ZFX: variants seen among roughly 807,000 people sequenced by gnomAD.
ZFX encodes zinc finger X-chromosomal protein.
For synonymous variants in ZFX, 196 were observed against 226.8 expected, an observed-to-expected ratio of 0.86 and a Z score of 1.22; for missense variants, 362 against 628.3, an observed-to-expected ratio of 0.58 and a Z score of 4.53.
intron 3 of ZFX, among the ~76,000 whole-genome samples, chrX:24,159,028 G>C (rs1038145349): frequency 1.4e-4 from 15 of 110,089 alleles, no homozygotes; most frequent in African/African-American, 3.6e-4. Context: ...TTTGAGATGG[G>C]GTCTTGCTCT....
At position 24,208,941 on chromosome X, in the gene ZFX, A is replaced by G. The variant is rs1367380030; in HGVS notation, c.1135A>G (p.Ser379Gly). ...DGIENRNGTA[S>G]ALLHIDESAG... ...AATTGAAAACCGGAATGGCACTGCAAGTGCCCTCTTGCACATAGATGAGTC... is the reference window on the plus strand; with the variant it reads ...AATTGAAAACCGGAATGGCACTGCAGGTGCCCTCTTGCACATAGATGAGTC... Residue 379 changes from serine to glycine, a missense_variant, in exon 9 of 10, where the codon AGT becomes GGT. By Grantham distance (56) the Ser-to-Gly change is moderately conservative. Transcript: ENST00000304543. The G allele has an allele frequency of 1.4e-5, 17 of 1,210,337 alleles. No individual in the cohort carries two copies. Among genetic ancestry groups the G allele is most frequent in the Non-Finnish European group, 1.9e-5 (17 of 895,404 alleles).
intron 5 of ZFX, among the ~76,000 whole-genome samples, chrX:24,195,502 A>G (rs2704820): frequency 0.49 from 53,205 of 109,696 alleles, 9,501 homozygotes; most frequent in South Asian, 0.79. Flanking sequence ...ACAGATGCCC[A>G]CCACCACGCC....
chrX:24,196,159 T>G (rs757044554), intron 5 of ZFX, among the ~76,000 whole-genome samples: 23 of 111,378 alleles, frequency 2.1e-4, no homozygotes, highest in African/African-American at 7.5e-4. Flanking sequence ...GTTACCCAGG[T>G]TGGAGTGCAG....
intron 5 of ZFX, among the ~76,000 whole-genome samples, chrX:24,191,715 C>T (rs2704823): frequency 0.34 from 35,050 of 103,106 alleles, 4,490 homozygotes; most frequent in South Asian, 0.63. Flanking sequence ...TTTTTTTTTT[C>T]CGAGATGGAG....
In ZFX at chrX:24,215,333, CT is replaced by C. The variant is rs913288381; in HGVS notation, c.*3959del. On this transcript the variant is annotated 3_prime_UTR_variant, in exon 10 of 10. Transcript: ENST00000304543. Reference sequence around the variant, plus strand: ...AAGGAAAAACATGGCTAATCAATATCTTAAAGGGGCAATCTTTCAGAGCAGT... The same window carrying C: ...AAGGAAAAACATGGCTAATCAATATCTAAAGGGGCAATCTTTCAGAGCAGT... 8.9e-6 allele frequency: 1 copy of C among 111,842 alleles called. No homozygotes were observed. Among genetic ancestry groups the C allele is most frequent in the African/African-American group, 3.3e-5 (1 of 30,755 alleles). The allele number at this position is 111,842 out of a possible 1,213,427, so 9.2% of individuals were successfully genotyped here. A position where few individuals can be genotyped will look rare whatever the true frequency, so the allele number is the denominator to read the frequency against.
At chrX:24,177,675 A>G (rs1411543989) in intron 4 of ZFX, 84 of 748,080 alleles carry the variant, frequency 1.1e-4, no homozygotes, top group Non-Finnish European at 1.2e-4. Context: ...TGATCCTTGT[A>G]TGTCCTAGAT....
chrX:24,164,745 A>C lies in ZFX; in HGVS notation c.-28-7970A>C, dbSNP rs928467058. On this transcript the variant is annotated intron_variant, in intron 3 of 9. Coordinates refer to ENST00000304543, the MANE Select transcript of ZFX (RefSeq NM_003410.4). ...TCAGGAGTTCGAAACCAGCCTGGCC[A>C]ACGTGGTGAAACCCTGTCTCTACTA... Among the ~76,000 whole-genome samples the C allele has an allele frequency of 2.8e-4, 31 of 110,493 alleles. 1 individual carries two copies. The highest frequency in any genetic ancestry group is 1.0e-3 in the African/African-American group (31 of 30,357).
chrX:24,190,840 G>A (rs1303400708), intron 5 of ZFX, among the ~76,000 whole-genome samples: 2 of 112,203 alleles, frequency 1.8e-5, no homozygotes, highest in Admixed American at 9.4e-5. Context: ...GAATGAATTC[G>A]GGCAAGTTAA....
Position 24,204,949 on chromosome X carries a change from CTG to C in ZFX, c.647-2375_647-2374del, listed in dbSNP as rs564928893. Among the ~76,000 whole-genome samples the C allele has an allele frequency of 4.4e-4, 49 of 112,274 alleles. No homozygotes were observed. The South Asian group carries it at 0.017, about 38-fold the overall frequency. ...TTTACTTGTCCACTTTGCCATAAGACTGTAAATTTCTGGAGCCCTTGACTTTT... is the reference window on the plus strand; with the variant it reads ...TTTACTTGTCCACTTTGCCATAAGACTAAATTTCTGGAGCCCTTGACTTTT... On this transcript the variant is annotated intron_variant, in intron 5 of 9. Coordinates refer to ENST00000304543, the MANE Select transcript of ZFX (RefSeq NM_003410.4).
At chrX:24,155,329 A>G (rs986848519) in intron 3 of ZFX, among the ~76,000 whole-genome samples, 1 of 111,720 alleles carries the variant, frequency 9.0e-6, no homozygotes, top group Non-Finnish European at 1.9e-5. Flanking sequence ...TGTGATCCTT[A>G]ATTTTTAAGA....
Position 24,215,668 on chromosome X carries a change from C to T in ZFX, c.*4292C>T, listed in dbSNP as rs1009915965. 2 of 111,014 alleles carry T rather than the reference C, an allele frequency of 1.8e-5. No homozygotes were observed. The highest frequency in any genetic ancestry group is 3.8e-5 in the Non-Finnish European group (2 of 53,017). 9.1% of individuals were successfully genotyped at this position (111,014 alleles called of 1,213,427 possible). ...AAAATAGGACCCCAGACAGTTTATA[C>T]CTTCCATTTGCTGTTTTAAAAGTGT... is the stretch of plus-strand genomic sequence containing the variant. On this transcript the variant is annotated 3_prime_UTR_variant, in exon 10 of 10. Transcript: ENST00000304543.
chrX:24,193,959 C>CT (rs1332289829), intron 5 of ZFX, among the ~76,000 whole-genome samples: 1 of 111,315 alleles, frequency 9.0e-6, no homozygotes, highest in Non-Finnish European at 1.9e-5. Flanking sequence ...CCATTAAACA[C>CT]TAACTCCCCG....
chrX:24,209,177 A>G, intron 9 of ZFX, 137 bp downstream of exon 9: 1 of 932,863 alleles, frequency 1.1e-6, no homozygotes, highest in Non-Finnish European at 1.4e-6. Flanking sequence ...ACTTGAAAAT[A>G]TAATTTTCAG....
At chrX:24,167,840 C>T (rs769371648) in intron 3 of ZFX, among the ~76,000 whole-genome samples, 1 of 111,805 alleles carries the variant, frequency 8.9e-6, no homozygotes, top group Non-Finnish European at 1.9e-5. Context: ...ATAGAAACAA[C>T]AAGAAACTTT....
intron 4 of ZFX, chrX:24,173,797 G>T (rs771693514): frequency 2.4e-6 from 1 of 420,312 alleles, no homozygotes; most frequent in Non-Finnish European, 4.1e-6. Context: ...GTTTTGCCAC[G>T]TTGCCCAGGC....
intron 5 of ZFX, among the ~76,000 whole-genome samples, chrX:24,195,838 G>C (rs1936885194): frequency 8.9e-6 from 1 of 112,208 alleles, no homozygotes; most frequent in Non-Finnish European, 1.9e-5. Context: ...CTTTCTTCAC[G>C]TCCTGTTGTG....
At chrX:24,170,696 C>T (rs1460041697) in intron 3 of ZFX, among the ~76,000 whole-genome samples, 1 of 104,012 alleles carries the variant, frequency 9.6e-6, no homozygotes, top group African/African-American at 3.5e-5. Flanking sequence ...TTGCAACCTC[C>T]GTATCCCGGG....
chrX:24,203,426 G>A (rs1362911411), intron 5 of ZFX, among the ~76,000 whole-genome samples: 1 of 112,456 alleles, frequency 8.9e-6, no homozygotes, highest in Non-Finnish European at 1.9e-5. Context: ...ATGTTCTCCA[G>A]CCTCTCATCA....
chrX:24,156,097 A>T (rs1460619873), intron 3 of ZFX, among the ~76,000 whole-genome samples: 1 of 111,451 alleles, frequency 9.0e-6, no homozygotes, highest in Non-Finnish European at 1.9e-5. Flanking sequence ...GGGTTTCACC[A>T]TGTTGGCCAG....
Sources: gnomAD v4.1 joint callset for allele counts (sites outside exome capture counted in the v4.1 genomes callset) on GRCh38, gnomAD v4.1.1 for gene constraint, MANE v1.5 for transcripts, NCBI Gene and HGNC (gene_info 2026-07-23, HGNC 2026-07-21) for gene names.